Variants in FGD6 observed in about 807,000 individuals in gnomAD.
FGD6 encodes the protein FYVE, RhoGEF and PH domain-containing protein 6.
FGD6 carries 90 observed loss-of-function variants against 149.4 expected under a neutral mutation model. The ratio of observed to expected loss-of-function variants is 0.60; its 90% CI spans 0.51 to 0.72. FGD6 has a LOEUF of 0.72. Among genes scored for constraint, FGD6 ranks in the 30% least tolerant of loss-of-function variants. The pLI, the probability that FGD6 is intolerant of heterozygous loss-of-function variation, is 0.00. For missense variants in FGD6, 1,437 were observed against 1,684.8 expected (o/e 0.85, Z 2.57); for synonymous variants, 527 against 584.0 (o/e 0.90, Z 1.41).
intron 14 of FGD6, among the ~76,000 whole-genome samples, chr12:95,104,242 C>T (rs1878535335): frequency 1.3e-5 from 2 of 152,056 alleles, no homozygotes; most frequent in African/African-American, 2.4e-5. Context: ...AGTAGCTAAC[C>T]TAAGTGCAAA....
intron 8 of FGD6, among the ~76,000 whole-genome samples, chr12:95,121,925 C>T (rs1375492215): frequency 1.3e-5 from 2 of 151,996 alleles, no homozygotes; most frequent in African/African-American, 4.8e-5. Flanking sequence ...TTTCTATTGT[C>T]TTGGGTTTCC....
At chr12:95,184,416 C>T (rs749645479) in intron 2 of FGD6, among the ~76,000 whole-genome samples, 1 of 152,140 alleles carries the variant, frequency 6.6e-6, no homozygotes, top group Non-Finnish European at 1.5e-5. Flanking sequence ...CATCTTTCTT[C>T]TTCAGATTCT....
At chr12:95,165,817 G>GT (rs1178640032) in intron 3 of FGD6, among the ~76,000 whole-genome samples, 66 of 145,366 alleles carry the variant, frequency 4.5e-4, no homozygotes, top group African/African-American at 9.4e-4. Flanking sequence ...TTTTGTGTCT[G>GT]TTTTTTTTTT....
At chr12:95,098,074 T>C (rs1414662531) in intron 14 of FGD6, among the ~76,000 whole-genome samples, 9 of 152,076 alleles carry the variant, frequency 5.9e-5, no homozygotes, top group African/African-American at 9.7e-5. Context: ...TGGCCCCTAC[T>C]TCCCTCTGAA....
At chr12:95,148,507 G>C (rs568020449) in intron 5 of FGD6, among the ~76,000 whole-genome samples, 44 of 114,116 alleles carry the variant, frequency 3.9e-4, no homozygotes, top group African/African-American at 1.4e-3. Context: ...ATAATATATA[G>C]CATATATTAT....
intron 2 of FGD6, among the ~76,000 whole-genome samples, chr12:95,201,091 A>C (rs1055542592): frequency 1.3e-5 from 2 of 152,206 alleles, no homozygotes; most frequent in African/African-American, 4.8e-5. Flanking sequence ...AGGAATAGAT[A>C]ATGAATTTTT....
intron 5 of FGD6, among the ~76,000 whole-genome samples, chr12:95,144,119 A>AT (rs1206637229): frequency 2.0e-5 from 3 of 152,230 alleles, no homozygotes; most frequent in African/African-American, 7.2e-5. Flanking sequence ...TTTAAGACGC[A>AT]TTTAACAGAG....
intron 11 of FGD6, 53 bp downstream of exon 11, chr12:95,108,295 T>G: frequency 6.8e-7 from 1 of 1,462,956 alleles, no homozygotes; most frequent in Non-Finnish European, 9.5e-7. Context: ...CAGATACAGA[T>G]GGTACCTAAA....
chr12:95,116,321 A>AT (rs1879012601), intron 8 of FGD6, among the ~76,000 whole-genome samples: 1 of 152,106 alleles, frequency 6.6e-6, no homozygotes, highest in African/African-American at 2.4e-5. Flanking sequence ...TAATCAAGTG[A>AT]TTTTCCTTAA....
intron 8 of FGD6, among the ~76,000 whole-genome samples, chr12:95,116,321 A>T (rs1879012345): frequency 6.6e-6 from 1 of 152,106 alleles, no homozygotes; most frequent in Non-Finnish European, 1.5e-5. Context: ...TAATCAAGTG[A>T]TTTTCCTTAA....
intron 5 of FGD6, among the ~76,000 whole-genome samples, chr12:95,148,692 TTA>T (rs1486247273): frequency 9.6e-6 from 1 of 103,920 alleles, no homozygotes; most frequent in African/African-American, 3.9e-5. Flanking sequence ...ATTATATATA[TTA>T]TATATTATAT....
intron 5 of FGD6, among the ~76,000 whole-genome samples, chr12:95,149,516 A>G (rs1224379436): frequency 1.0e-4 from 14 of 137,806 alleles, no homozygotes; most frequent in Non-Finnish European, 1.5e-4. Context: ...TATATTATAT[A>G]TAGTTTTATA....
intron 9 of FGD6, among the ~76,000 whole-genome samples, chr12:95,111,285 C>T (rs1235694802): frequency 2.0e-5 from 3 of 152,166 alleles, no homozygotes; most frequent in African/African-American, 7.2e-5. Flanking sequence ...CCGGCCACTG[C>T]TCACCATATG....
intron 14 of FGD6, among the ~76,000 whole-genome samples, chr12:95,101,210 G>T (rs1878419290): frequency 6.6e-6 from 1 of 152,004 alleles, no homozygotes; most frequent in Non-Finnish European, 1.5e-5. Flanking sequence ...AGCCGGGCAT[G>T]GCGGCGCACC....
At chr12:95,142,292 C>A (rs1879874732) in intron 5 of FGD6, among the ~76,000 whole-genome samples, 2 of 152,028 alleles carry the variant, frequency 1.3e-5, no homozygotes, top group South Asian at 4.1e-4. Context: ...CAGGTGCCCA[C>A]CACCACACCC....
At chr12:95,188,271 G>A (rs1438940627) in intron 2 of FGD6, among the ~76,000 whole-genome samples, 1 of 151,958 alleles carries the variant, frequency 6.6e-6, no homozygotes, top group African/African-American at 2.4e-5. Flanking sequence ...ACTAGCTGAA[G>A]GCACAGAAAA....
At chr12:95,182,061 A>G (rs955747091) in intron 2 of FGD6, among the ~76,000 whole-genome samples, 7 of 151,930 alleles carry the variant, frequency 4.6e-5, no homozygotes, top group East Asian at 1.9e-4. Context: ...ACTTAGTATC[A>G]TTTCTCCCCT....
chr12:95,151,095 TA>T (rs982900648), intron 5 of FGD6, among the ~76,000 whole-genome samples: 7 of 150,936 alleles, frequency 4.6e-5, no homozygotes, highest in African/African-American at 1.7e-4. Flanking sequence ...ACTGAGTCAT[TA>T]AAAAAAAGGA....
intron 2 of FGD6, among the ~76,000 whole-genome samples, chr12:95,207,966 A>G (rs2136302716): frequency 6.6e-6 from 1 of 152,292 alleles, no homozygotes. Context: ...AAAGTGAGAA[A>G]TAGGCCCAGT....
Sources: allele counts gnomAD v4.1 joint callset (sites outside exome capture counted in the v4.1 genomes callset), GRCh38; gene constraint gnomAD v4.1.1; transcripts MANE v1.5; gene names NCBI Gene and HGNC (gene_info 2026-07-23, HGNC 2026-07-21).